ST7L: variants seen among roughly 807,000 people sequenced by gnomAD.
ST7L encodes the protein suppressor of tumorigenicity 7 protein-like.
A neutral mutation model predicts 72.5 loss-of-function variants in ST7L; 57 were observed. The ratio of observed to expected loss-of-function variants is 0.79; its 90% confidence interval spans 0.64 to 0.98. ST7L has a LOEUF of 0.98. Among genes scored for constraint, ST7L ranks in the 50% least tolerant of loss-of-function variants. The pLI is 0.00. For synonymous variants in ST7L, 221 were observed against 240.9 expected, an observed-to-expected ratio of 0.92 and a Z score of 0.77; for missense variants, 576 against 672.2, an observed-to-expected ratio of 0.86 and a Z score of 1.58.
chr1:112,593,336 T>G (rs899137098), intron 5 of ST7L, among the ~76,000 whole-genome samples: 3 of 152,154 alleles, frequency 2.0e-5, no homozygotes, highest in African/African-American at 7.2e-5. Context: ...AAATGCTGAT[T>G]TGGTATTCAA....
chr1:112,597,029 G>A (rs1331016711), intron 5 of ST7L, among the ~76,000 whole-genome samples: 1 of 152,168 alleles, frequency 6.6e-6, no homozygotes, highest in East Asian at 1.9e-4. Flanking sequence ...AGAGAATATA[G>A]TCCCTGCTGT....
chr1:112,615,357 A>G (rs571308502), intron 2 of ST7L, among the ~76,000 whole-genome samples: 38 of 152,348 alleles, frequency 2.5e-4, no homozygotes, highest in African/African-American at 8.9e-4. Context: ...TGAACCAGCT[A>G]TCATGTTATA....
intron 11 of ST7L, among the ~76,000 whole-genome samples, chr1:112,563,115 AATAAT>A (rs1431543665): frequency 1.3e-5 from 2 of 151,004 alleles, no homozygotes; most frequent in South Asian, 2.1e-4. Context: ...TAATAATAAT[AATAAT>A]ATATTTTTTA....
At chr1:112,591,986 C>T (rs1032349116) in intron 5 of ST7L, among the ~76,000 whole-genome samples, 1 of 151,410 alleles carries the variant, frequency 6.6e-6, no homozygotes, top group African/African-American at 2.4e-5. Context: ...TTTTATGGAA[C>T]TGCTAAAAAT....
At chr1:112,601,197 G>A (rs1169508133) in intron 3 of ST7L, among the ~76,000 whole-genome samples, 2 of 152,178 alleles carry the variant, frequency 1.3e-5, no homozygotes, top group Non-Finnish European at 2.9e-5. Flanking sequence ...ATTAAATATA[G>A]TATGAGAGTA....
At chr1:112,541,399 T>C (rs192070359) in intron 14 of ST7L, among the ~76,000 whole-genome samples, 55 of 152,112 alleles carry the variant, frequency 3.6e-4, no homozygotes, top group Middle Eastern at 3.4e-3. Context: ...AATGAAAATA[T>C]AGAACTACAC....
intron 14 of ST7L, among the ~76,000 whole-genome samples, chr1:112,534,292 G>C (rs1380574773): frequency 2.0e-5 from 3 of 152,134 alleles, no homozygotes; most frequent in African/African-American, 7.2e-5. Context: ...AAGTTATGAA[G>C]TGATATATTA....
At chr1:112,598,889 G>C (rs1407395717) in intron 4 of ST7L, among the ~76,000 whole-genome samples, 1 of 149,842 alleles carries the variant, frequency 6.7e-6, no homozygotes, top group Non-Finnish European at 1.5e-5. Context: ...GTAAAACCCT[G>C]TCTCTCCTAA....
chr1:112,565,423 A>ATGTGTTTAGTAAATATGT (rs1468427233), intron 11 of ST7L, among the ~76,000 whole-genome samples: 1 of 151,920 alleles, frequency 6.6e-6, no homozygotes, highest in African/African-American at 2.4e-5. Context: ...TATGTACTCC[A>ATGTGTTTAGTAAATATGT]GTTATAAGGA....
rs1234624962 is a variant in ST7L at position 112,610,709 on chromosome 1, T to C, written c.451+132A>G. On this transcript the variant is annotated intron_variant, in intron 3 of 14. Coordinates refer to ENST00000358039, the MANE Select transcript of ST7L (RefSeq NM_017744.5). ...AAAGACCCTACCTCGTAACATCACA[T>C]TGGTGATTAGAATTTTGGGGGAAAC... 9.1e-6 allele frequency: 10 copies of C among 1,104,724 alleles called. No individual in the cohort carries two copies. The Admixed American group carries it at 1.6e-4, about 17-fold the overall frequency. 68.4% of individuals were successfully genotyped at this position (1,104,724 alleles called of 1,614,324 possible). A position where few individuals can be genotyped will look rare whatever the true frequency, so the allele number is the denominator to read the frequency against.
At chr1:112,569,385 AG>A (rs1298984874) in intron 11 of ST7L, among the ~76,000 whole-genome samples, 2 of 152,246 alleles carry the variant, frequency 1.3e-5, no homozygotes, top group Non-Finnish European at 1.5e-5. Context: ...CATAAAATGA[AG>A]GAAGTACTGA....
At chr1:112,530,903 C>T (rs886490311) in intron 14 of ST7L, among the ~76,000 whole-genome samples, 1 of 152,090 alleles carries the variant, frequency 6.6e-6, no homozygotes, top group East Asian at 1.9e-4. Context: ...TCAGCAAAAC[C>T]CAGCTATAAA....
chr1:112,531,566 G>C (rs1469623777), intron 14 of ST7L, among the ~76,000 whole-genome samples: 2 of 152,160 alleles, frequency 1.3e-5, no homozygotes, highest in African/African-American at 4.8e-5. Flanking sequence ...CGGGAGCCGT[G>C]TGAAAATAAC....
chr1:112,559,170 C>T (rs1034240439), intron 11 of ST7L, among the ~76,000 whole-genome samples: 3 of 152,138 alleles, frequency 2.0e-5, no homozygotes, highest in Non-Finnish European at 4.4e-5. Context: ...CAAATGTAAG[C>T]AAAGATATTC....
At chr1:112,533,098 T>G (rs535595545) in intron 14 of ST7L, among the ~76,000 whole-genome samples, 1 of 152,324 alleles carries the variant, frequency 6.6e-6, no homozygotes, top group Non-Finnish European at 1.5e-5. Context: ...TTTAAAAAAG[T>G]AACTTGAGAG....
chr1:112,597,718 T>C (rs1163072965), intron 5 of ST7L, among the ~76,000 whole-genome samples: 1 of 152,194 alleles, frequency 6.6e-6, no homozygotes, highest in African/African-American at 2.4e-5. Context: ...TCTGGAAAAG[T>C]AGTTGCTATA....
At chr1:112,615,148 CCA>C in intron 2 of ST7L, among the ~76,000 whole-genome samples, 1 of 152,094 alleles carries the variant, frequency 6.6e-6, no homozygotes, top group South Asian at 2.1e-4. Flanking sequence ...TATAGGTGCG[CCA>C]CACACGCCTA....
chr1:112,520,239 A>C, downstream of ST7L: 13 of 1,573,900 alleles, frequency 8.3e-6, no homozygotes, highest in African/African-American at 1.3e-5. Flanking sequence ...GGGCAGCTGA[A>C]GAGATAACTT....
At position 112,555,946 on chromosome 1, in the gene ST7L, C is replaced by G; in HGVS notation, c.1318G>C (p.Ala440Pro). 1.2e-6 allele frequency: 2 copies of G among 1,612,474 alleles called. No homozygotes were observed. Among genetic ancestry groups the G allele is most frequent in the Non-Finnish European group, 1.7e-6 (2 of 1,179,068 alleles). The change falls in exon 12 of 15, where the codon GCC becomes CCC. Residue 440 changes from alanine (A) to proline (P), a missense_variant. By Grantham distance (27) the Ala-to-Pro change is conservative. Coordinates refer to ENST00000358039, the MANE Select transcript of ST7L (RefSeq NM_017744.5). ...ILKRGDSEAI[A>P]YAFFHLQHWK... Reference sequence around the variant, plus strand: ...TGCTGAAGATGAAAGAAAGCATAGGCAATTGCTTCACTATCACCCCGTTTC... The same window carrying G: ...TGCTGAAGATGAAAGAAAGCATAGGGAATTGCTTCACTATCACCCCGTTTC...
Sources: gnomAD v4.1 joint callset for allele counts (sites outside exome capture counted in the v4.1 genomes callset) on GRCh38, gnomAD v4.1.1 for gene constraint, MANE v1.5 for transcripts, NCBI Gene and HGNC (gene_info 2026-07-23, HGNC 2026-07-21) for gene names.